Variants in RTL4 observed in about 807,000 individuals in gnomAD.
The protein encoded by RTL4 is retrotransposon Gag like 4.
Under a neutral mutation model 5.3 loss-of-function variants are expected in RTL4, and 4 were observed. The observed-to-expected ratio is 0.75, with a 90% CI of 0.37 to 1.72. The LOEUF (loss-of-function observed/expected upper bound fraction) is 1.72. Ranked by LOEUF, RTL4 falls within the 40% of genes most tolerant of loss-of-function variation. The probability of loss-of-function intolerance (pLI) is 0.04; values close to 1 mark genes in which losing one functional copy is unlikely to be tolerated. For missense variants in RTL4, 260 were observed against 227.1 expected, an observed-to-expected ratio of 1.14 and a Z score of -0.93; for synonymous variants, 98 against 87.3, an observed-to-expected ratio of 1.12 and a Z score of -0.68.
chrX:112,378,401 C>T, the RTL4 span, among the ~76,000 whole-genome samples: 1 of 111,247 alleles, frequency 9.0e-6, no homozygotes, highest in Non-Finnish European at 1.9e-5. Context: ...GAAATTCTTC[C>T]AAGGAACATA....
At chrX:112,236,587 G>A in the RTL4 span, among the ~76,000 whole-genome samples, 24 of 102,594 alleles carry the variant, frequency 2.3e-4, no homozygotes, top group South Asian at 2.4e-3. Flanking sequence ...TAATAAAAGG[G>A]ATCCCTTTTA....
the RTL4 span, among the ~76,000 whole-genome samples, chrX:112,346,853 G>C: frequency 2.7e-5 from 3 of 111,570 alleles, no homozygotes; most frequent in African/African-American, 6.5e-5. Flanking sequence ...GTTGCTACTA[G>C]TAGTTTTTAG....
chrX:112,163,736 T>G, the RTL4 span, among the ~76,000 whole-genome samples: 1 of 112,015 alleles, frequency 8.9e-6, no homozygotes, highest in Admixed American at 9.5e-5. Context: ...AGATGAAGAA[T>G]AATACCTACC....
chrX:112,398,204 T>G, the RTL4 span, among the ~76,000 whole-genome samples: 1 of 110,556 alleles, frequency 9.0e-6, no homozygotes, highest in Non-Finnish European at 1.9e-5. Flanking sequence ...TGGTGCTGGT[T>G]TTTGTCAAAT....
chrX:112,089,540 A>T, the RTL4 span, among the ~76,000 whole-genome samples: 1 of 111,319 alleles, frequency 9.0e-6, no homozygotes, highest in African/African-American at 3.3e-5. Flanking sequence ...CCTTGTAAAA[A>T]ATCAATTGGC....
At chrX:112,444,621 G>C in the RTL4 span, among the ~76,000 whole-genome samples, 2 of 111,512 alleles carry the variant, frequency 1.8e-5, no homozygotes, top group Admixed American at 1.9e-4. Context: ...TAAATGTTTG[G>C]TTTAAATTCA....
chrX:112,103,141 T>C, the RTL4 span, among the ~76,000 whole-genome samples: 1 of 111,780 alleles, frequency 8.9e-6, no homozygotes, highest in Non-Finnish European at 1.9e-5. Context: ...CATGTGTTCA[T>C]TGCAGCACTA....
At chrX:112,270,718 G>C in the RTL4 span, among the ~76,000 whole-genome samples, 2 of 111,230 alleles carry the variant, frequency 1.8e-5, no homozygotes, top group African/African-American at 6.5e-5. Flanking sequence ...GAGGTGGCAT[G>C]ATGATGCTTG....
At chrX:112,351,465 G>T in the RTL4 span, among the ~76,000 whole-genome samples, 1 of 108,696 alleles carries the variant, frequency 9.2e-6, no homozygotes, top group East Asian at 2.9e-4. Context: ...TTGACAGTGG[G>T]GTGTTAAAGT....
chrX:112,153,731 A>G, the RTL4 span, among the ~76,000 whole-genome samples: 2,877 of 111,494 alleles, frequency 0.026, 94 homozygotes, highest in African/African-American at 0.089. Context: ...TTTTACACAA[A>G]AAATAGGTAG....
upstream of RTL4, among the ~76,000 whole-genome samples, chrX:112,449,604 G>T (rs750230260): frequency 9.9e-5 from 11 of 111,522 alleles, no homozygotes; most frequent in Non-Finnish European, 1.9e-4. Flanking sequence ...GTGAGCCCAA[G>T]AATCTGCATG....
At chrX:112,274,217 A>G in the RTL4 span, among the ~76,000 whole-genome samples, 3 of 111,687 alleles carry the variant, frequency 2.7e-5, no homozygotes, top group East Asian at 8.5e-4. Flanking sequence ...GTGGTACACC[A>G]TAAGAGAATT....
the RTL4 span, among the ~76,000 whole-genome samples, chrX:112,382,989 A>G: frequency 3.6e-5 from 4 of 112,021 alleles, no homozygotes; most frequent in African/African-American, 1.3e-4. Context: ...AAAAAAGTTG[A>G]AATATTTGGA....
chrX:112,096,988 T>C, the RTL4 span, among the ~76,000 whole-genome samples: 1 of 112,294 alleles, frequency 8.9e-6, no homozygotes, highest in Non-Finnish European at 1.9e-5. Context: ...GGCTTAGAGA[T>C]TAAAGTGTGC....
the RTL4 span, among the ~76,000 whole-genome samples, chrX:112,235,678 T>G: frequency 3.6e-5 from 4 of 111,818 alleles, no homozygotes; most frequent in South Asian, 3.7e-4. Flanking sequence ...CTCCACCAAT[T>G]CAGAACTCTT....
chrX:112,267,970 A>G, the RTL4 span, among the ~76,000 whole-genome samples: 1 of 111,104 alleles, frequency 9.0e-6, no homozygotes, highest in African/African-American at 3.3e-5. Context: ...CTTCTCTTCT[A>G]TACTCCTACA....
the RTL4 span, among the ~76,000 whole-genome samples, chrX:112,105,999 T>C: frequency 8.9e-6 from 1 of 112,207 alleles, no homozygotes; most frequent in African/African-American, 3.2e-5. Context: ...TTGTTAAATA[T>C]GATATTATCC....
At chrX:112,140,584 C>T in the RTL4 span, among the ~76,000 whole-genome samples, 1 of 110,818 alleles carries the variant, frequency 9.0e-6, no homozygotes, top group African/African-American at 3.3e-5. Context: ...CTTGCTGAGT[C>T]CTCATGTGGT....
chrX:112,316,376 T>G, the RTL4 span, among the ~76,000 whole-genome samples: 1 of 111,428 alleles, frequency 9.0e-6, no homozygotes, highest in East Asian at 2.8e-4. Context: ...AAAGTTGCTT[T>G]CCTTCTCTAG....
Sources: gnomAD v4.1 joint callset for allele counts (sites outside exome capture counted in the v4.1 genomes callset) on GRCh38, gnomAD v4.1.1 for gene constraint, MANE v1.5 for transcripts, NCBI Gene and HGNC (gene_info 2026-07-23, HGNC 2026-07-21) for gene names.